Variants in FHIT observed in about 807,000 individuals in gnomAD.
FHIT encodes bis(5'-adenosyl)-triphosphatase.
A neutral mutation model predicts 17.9 loss-of-function variants in FHIT; 19 were observed. The observed-to-expected ratio is 1.06, with a 90% CI of 0.74 to 1.56. The LOEUF is 1.56. Among genes scored for constraint, FHIT ranks in the 40% most tolerant of loss-of-function variants. The probability of loss-of-function intolerance (pLI) is 0.00; values close to 1 mark genes in which losing one functional copy is unlikely to be tolerated. For missense variants in FHIT, 248 were observed against 189.2 expected (o/e 1.31, Z -1.82); for synonymous variants, 81 against 69.7 (o/e 1.16, Z -0.81).
intron 5 of FHIT, among the ~76,000 whole-genome samples, chr3:60,028,263 A>G (rs1451223920): frequency 6.6e-6 from 1 of 152,186 alleles, no homozygotes; most frequent in Non-Finnish European, 1.5e-5. Context: ...TCCAATATGC[A>G]CATATTTCAG....
At chr3:60,354,192 C>G (rs1212616079) in intron 5 of FHIT, among the ~76,000 whole-genome samples, 1 of 151,582 alleles carries the variant, frequency 6.6e-6, no homozygotes, top group African/African-American at 2.4e-5. Flanking sequence ...GTTTAAAATA[C>G]AATTATTTTA....
intron 3 of FHIT, among the ~76,000 whole-genome samples, chr3:60,849,461 T>TATATATATATATATATATATAA (rs1703058517): frequency 7.0e-6 from 1 of 143,454 alleles, no homozygotes; most frequent in Non-Finnish European, 1.5e-5. Flanking sequence ...TATATATATA[T>TATATATATATATATATATATAA]ATAAAATTAT....
intron 3 of FHIT, among the ~76,000 whole-genome samples, chr3:60,995,462 C>A (rs1177850607): frequency 6.6e-6 from 1 of 152,152 alleles, no homozygotes; most frequent in Non-Finnish European, 1.5e-5. Flanking sequence ...AGTTGAGCTG[C>A]CAAAGATGAA....
chr3:60,996,978 A>T (rs1208355048), intron 3 of FHIT, among the ~76,000 whole-genome samples: 3 of 152,262 alleles, frequency 2.0e-5, no homozygotes, highest in Non-Finnish European at 2.9e-5. Context: ...GAAAAACAAT[A>T]AGAGAAATTA....
chr3:59,761,629 T>C (rs1701521506), intron 8 of FHIT, among the ~76,000 whole-genome samples: 1 of 151,860 alleles, frequency 6.6e-6, no homozygotes, highest in Non-Finnish European at 1.5e-5. Flanking sequence ...TTTTTCGAGA[T>C]GGAGTCTTGC....
intron 3 of FHIT, among the ~76,000 whole-genome samples, chr3:60,857,966 A>G (rs1283168543): frequency 6.6e-6 from 1 of 152,148 alleles, no homozygotes; most frequent in African/African-American, 2.4e-5. Flanking sequence ...AGCCTATAAG[A>G]GCTTAACAAT....
At chr3:60,762,293 G>A (rs1187034663) in intron 4 of FHIT, among the ~76,000 whole-genome samples, 2 of 152,070 alleles carry the variant, frequency 1.3e-5, no homozygotes, top group East Asian at 3.9e-4. Flanking sequence ...AAAGATATCG[G>A]TTGATCAATA....
At chr3:60,241,459 ATATT>A (rs1419121965) in intron 5 of FHIT, among the ~76,000 whole-genome samples, 2 of 152,146 alleles carry the variant, frequency 1.3e-5, no homozygotes, top group African/African-American at 4.8e-5. Context: ...TATGAAAAAA[ATATT>A]TATTTACATG....
At chr3:61,211,220 T>C (rs1424796306) in intron 1 of FHIT, among the ~76,000 whole-genome samples, 2 of 151,766 alleles carry the variant, frequency 1.3e-5, no homozygotes, top group African/African-American at 2.4e-5. Context: ...ACTCGGGAAG[T>C]GCAAGGGGTC....
At chr3:61,205,326 A>G (rs12494251) in intron 1 of FHIT, among the ~76,000 whole-genome samples, 65,040 of 151,070 alleles carry the variant, frequency 0.43, 14,294 homozygotes, top group East Asian at 0.57. Flanking sequence ...TAATCCTTTT[A>G]GTATATACCC....
At chr3:60,963,901 T>C (rs1339943421) in intron 3 of FHIT, among the ~76,000 whole-genome samples, 3 of 152,324 alleles carry the variant, frequency 2.0e-5, no homozygotes, top group Non-Finnish European at 4.4e-5. Context: ...GAAGAATGTA[T>C]CTTCTGTTGA....
At chr3:60,367,417 T>A (rs780535931) in intron 5 of FHIT, among the ~76,000 whole-genome samples, 9 of 152,176 alleles carry the variant, frequency 5.9e-5, no homozygotes, top group Non-Finnish European at 1.2e-4. Context: ...CTGTTTTTAT[T>A]AAACGGGAGT....
chr3:59,782,755 T>C (rs565263565), intron 8 of FHIT, among the ~76,000 whole-genome samples: 1 of 152,190 alleles, frequency 6.6e-6, no homozygotes, highest in East Asian at 1.9e-4. Flanking sequence ...GACTCCAAGC[T>C]TGCAGGCAGG....
intron 7 of FHIT, among the ~76,000 whole-genome samples, chr3:59,941,595 C>T (rs144445620): frequency 4.2e-3 from 642 of 152,212 alleles, no homozygotes; most frequent in African/African-American, 0.014. Context: ...TTGATGCTTG[C>T]GTTGTGGGTC....
At chr3:60,357,322 T>C (rs1699713096) in intron 5 of FHIT, among the ~76,000 whole-genome samples, 2 of 152,162 alleles carry the variant, frequency 1.3e-5, no homozygotes, top group Admixed American at 1.3e-4. Flanking sequence ...CAAGCGATTC[T>C]CCTGCCTCGG....
rs1344233435 is a variant in FHIT, at chr3:60,822,361, CA to C, written c.-110-351del. ...CCTGGCACTGGGGCTTTCCATTTTG[CA>C]AAAAGATGAGGCTGACCCGTGAGTC... is the stretch of plus-strand genomic sequence containing the variant. On this transcript the variant is annotated intron_variant, in intron 3 of 9. Coordinates refer to ENST00000492590, the MANE Select transcript of FHIT (RefSeq NM_002012.4). Among the ~76,000 whole-genome samples the C allele has an allele frequency of 3.3e-5, 5 of 152,086 alleles. 1 individual carries two copies. Among genetic ancestry groups the C allele is most frequent in the Admixed American group, 3.3e-4 (5 of 15,270 alleles).
At chr3:61,075,427 T>C (rs537129693) in intron 2 of FHIT, among the ~76,000 whole-genome samples, 2 of 152,094 alleles carry the variant, frequency 1.3e-5, no homozygotes, top group South Asian at 2.1e-4. Flanking sequence ...CAGAAACAGC[T>C]TTTTAGTAAC....
chr3:60,979,488 A>C (rs1710398973), intron 3 of FHIT, among the ~76,000 whole-genome samples: 1 of 152,182 alleles, frequency 6.6e-6, no homozygotes, highest in Non-Finnish European at 1.5e-5. Context: ...CAAAGAGGGA[A>C]ATAGAAGAAA....
At chr3:60,315,274 G>C (rs1183085212) in intron 5 of FHIT, among the ~76,000 whole-genome samples, 1 of 152,134 alleles carries the variant, frequency 6.6e-6, no homozygotes, top group East Asian at 1.9e-4. Flanking sequence ...TTATGGAGTA[G>C]TTTGTTACAC....
Sources: gnomAD v4.1 joint callset for allele counts (sites outside exome capture counted in the v4.1 genomes callset) on GRCh38, gnomAD v4.1.1 for gene constraint, MANE v1.5 for transcripts, NCBI Gene and HGNC (gene_info 2026-07-23, HGNC 2026-07-21) for gene names.